The following FAM110B variants were observed in gnomAD, a reference collection of about 807,000 sequenced individuals.
FAM110B encodes the protein family with sequence similarity 110 member B, also known as protein FAM110B.
FAM110B carries 6 observed loss-of-function variants against 20.4 expected under a neutral mutation model. That is an observed-to-expected ratio of 0.29 (90% CI 0.16 to 0.58). The LOEUF is 0.58. Ranked by LOEUF, FAM110B falls within the 20% of genes least tolerant of loss-of-function variation. FAM110B has a pLI of 0.90. For missense variants in FAM110B, 434 were observed against 498.2 expected, an observed-to-expected ratio of 0.87 and a Z score of 1.23; for synonymous variants, 226 against 214.1, an observed-to-expected ratio of 1.06 and a Z score of -0.49.
intron 3 of FAM110B, among the ~76,000 whole-genome samples, chr8:58,138,188 G>C (rs1803664054): frequency 1.3e-5 from 2 of 152,194 alleles, no homozygotes; most frequent in South Asian, 4.1e-4. Flanking sequence ...TTTCAGAGCT[G>C]GTTCTCTCTG....
intron 1 of FAM110B, among the ~76,000 whole-genome samples, chr8:58,028,889 C>G (rs1008244963): frequency 2.0e-5 from 3 of 152,156 alleles, no homozygotes; most frequent in African/African-American, 7.2e-5. Context: ...TACTAACTAC[C>G]CATCTAAAGA....
At chr8:57,995,644 A>C (rs545393401) in intron 1 of FAM110B, among the ~76,000 whole-genome samples, 1 of 152,182 alleles carries the variant, frequency 6.6e-6, no homozygotes, top group African/African-American at 2.4e-5. Context: ...GCTCGTGGGG[A>C]AGGAAGGGAG....
chr8:58,116,008 A>G (rs1456198113), intron 3 of FAM110B, among the ~76,000 whole-genome samples: 2 of 152,152 alleles, frequency 1.3e-5, no homozygotes, highest in African/African-American at 2.4e-5. Context: ...AACTCTGTGT[A>G]CCAGGTCCTG....
At chr8:58,001,317 A>G (rs1000687783) in intron 1 of FAM110B, among the ~76,000 whole-genome samples, 1 of 152,134 alleles carries the variant, frequency 6.6e-6, no homozygotes, top group Admixed American at 6.6e-5. Flanking sequence ...TTGACTTCAA[A>G]TGAATTTTCC....
chr8:58,019,449 C>T (rs1804705207), intron 1 of FAM110B, among the ~76,000 whole-genome samples: 1 of 151,404 alleles, frequency 6.6e-6, no homozygotes, highest in South Asian at 2.1e-4. Context: ...TTGTGTGCTT[C>T]ATTTCTTCCT....
intron 2 of FAM110B, among the ~76,000 whole-genome samples, chr8:58,034,812 A>G (rs1184116644): frequency 6.6e-6 from 1 of 152,238 alleles, no homozygotes; most frequent in Admixed American, 6.5e-5. Context: ...CTGGGCGCAT[A>G]GTGCATACTC....
At position 58,148,531 on chromosome 8, in the gene FAM110B, T is replaced by A. The variant is rs1420969716; in HGVS notation, c.*1188T>A. Reference sequence around the variant, plus strand: ...TGTCCCCTTTTTTCCCAATAACCTGTCTTCCAGGTGGTACAGTTAGCTGTC... The same window carrying A: ...TGTCCCCTTTTTTCCCAATAACCTGACTTCCAGGTGGTACAGTTAGCTGTC... On this transcript the variant is annotated 3_prime_UTR_variant, in exon 4 of 4. Transcript: ENST00000519262. The A allele has an allele frequency of 1.8e-5, 3 of 167,096 alleles. No homozygotes were observed. Among genetic ancestry groups the A allele is most frequent in the African/African-American group, 7.2e-5 (3 of 41,446 alleles). The allele number at this position is 167,096 out of a possible 1,614,324, so 10.4% of individuals were successfully genotyped here.
chr8:58,144,400 G>A (rs539694094), intron 3 of FAM110B, among the ~76,000 whole-genome samples: 26 of 152,282 alleles, frequency 1.7e-4, no homozygotes, highest in African/African-American at 6.3e-4. Flanking sequence ...GGGAGGAGGT[G>A]TTTTTTGTTT....
Position 58,146,464 on chromosome 8 carries a change from C to G in FAM110B, c.234C>G (p.Ala78=). ...CCAAGCAGGAGCCCGTGAAGCCCGC[C>G]GTGCTGGCCAAGCCCCCGGTGTGCC... The part of the protein sequence containing the change: ...INAKQEPVKP[A]VLAKPPVCPA... Residue 78 remains alanine (A), a synonymous_variant, in exon 4 of 4, where the codon GCC becomes GCG. Coordinates refer to ENST00000519262, the MANE Select transcript of FAM110B (RefSeq NM_001377989.1). 6.2e-7 allele frequency: 1 copy of G among 1,613,508 alleles called. No individual in the cohort carries two copies. Among genetic ancestry groups the G allele is most frequent in the Non-Finnish European group, 8.5e-7 (1 of 1,179,674 alleles).
chr8:58,034,133 G>T lies in FAM110B; in HGVS notation c.-414+2430G>T, dbSNP rs569741668. Among the ~76,000 whole-genome samples the T allele has an allele frequency of 2.4e-4, 36 of 152,292 alleles. No homozygotes were observed. The South Asian group carries it at 3.3e-3, about 14-fold the overall frequency. ...ATGGCCGAGGGACACAGTGGGCTGC[G>T]GTAACTAAGGGACAGATGACCATTG... On this transcript the variant is annotated intron_variant, in intron 2 of 3. Transcript: ENST00000519262.
chr8:58,047,698 A>ATAG (rs1805357940), intron 2 of FAM110B, among the ~76,000 whole-genome samples: 1 of 149,858 alleles, frequency 6.7e-6, no homozygotes, highest in Middle Eastern at 3.2e-3. Context: ...TTAAATAGGA[A>ATAG]TAGTAATACA....
chr8:58,048,704 C>T (rs1805378701), intron 2 of FAM110B, among the ~76,000 whole-genome samples: 1 of 152,222 alleles, frequency 6.6e-6, no homozygotes, highest in Admixed American at 6.5e-5. Context: ...CCCATGTTGT[C>T]CTTCTCACTA....
intron 2 of FAM110B, among the ~76,000 whole-genome samples, chr8:58,050,211 C>CTT (rs113340023): frequency 2.0e-5 from 3 of 146,778 alleles, no homozygotes; most frequent in African/African-American, 7.4e-5. Context: ...TTATACTTTT[C>CTT]TTTTTTTTTT....
chr8:58,120,929 G>T (rs1263570669), intron 3 of FAM110B, among the ~76,000 whole-genome samples: 6 of 152,124 alleles, frequency 3.9e-5, no homozygotes, highest in Admixed American at 6.5e-5. Flanking sequence ...GTCCCCATAA[G>T]AAACATGGGA....
At chr8:58,035,769 CAT>C (rs776358676) in intron 2 of FAM110B, among the ~76,000 whole-genome samples, 11 of 152,322 alleles carry the variant, frequency 7.2e-5, no homozygotes, top group Non-Finnish European at 1.2e-4. Context: ...GTGGGAGTAA[CAT>C]GTGCATTTGA....
At chr8:58,131,288 G>C (rs530585503) in intron 3 of FAM110B, among the ~76,000 whole-genome samples, 3 of 148,742 alleles carry the variant, frequency 2.0e-5, no homozygotes, top group Admixed American at 6.7e-5. Flanking sequence ...TTTTTTCTCT[G>C]TTGCCCAGGT....
chr8:58,088,224 A>G lies in FAM110B; in HGVS notation c.-325+12601A>G, dbSNP rs1453061428. 3.3e-5 allele frequency among the ~76,000 whole-genome samples: 5 copies of G among 152,220 alleles called. No individual in the cohort carries two copies. In the East Asian group the frequency reaches 9.6e-4, roughly 29 times the overall value. Reference sequence around the variant, plus strand: ...ATTCTACAATTAATTTTAAAGGACAATCACAATTTTAGTTTCTCCATTGAA... The same window carrying G: ...ATTCTACAATTAATTTTAAAGGACAGTCACAATTTTAGTTTCTCCATTGAA... On this transcript the variant is annotated intron_variant, in intron 3 of 3. Coordinates refer to ENST00000519262, the MANE Select transcript of FAM110B (RefSeq NM_001377989.1).
At chr8:58,101,228 A>G (rs1190131161) in intron 3 of FAM110B, among the ~76,000 whole-genome samples, 1 of 152,188 alleles carries the variant, frequency 6.6e-6, no homozygotes, top group Non-Finnish European at 1.5e-5. Context: ...TGATTTTACA[A>G]TAAGCAGTGA....
Position 58,146,841 on chromosome 8 carries a change from G to C in FAM110B, c.611G>C (p.Arg204Pro), listed in dbSNP as rs903232922. 1.2e-6 allele frequency: 2 copies of C among 1,612,898 alleles called. No individual in the cohort carries two copies. Among genetic ancestry groups the C allele is most frequent in the East Asian group, 2.2e-5 (1 of 44,880 alleles). ...GTGTCCCACAGCTCTTCGGACATCC[G>C]CAAGGTGACCAGCGTGAAGCCCCTC... Reference protein sequence around the residue: ...LHVSHSSSDIRKVTSVKPLKA... With the variant: ...LHVSHSSSDIPKVTSVKPLKA... Residue 204 changes from arginine to proline, a missense_variant, in exon 4 of 4, where the codon CGC (arginine) becomes CCC (proline). Transcript: ENST00000519262.
Sources: gnomAD v4.1 joint callset for allele counts (sites outside exome capture counted in the v4.1 genomes callset) on GRCh38, gnomAD v4.1.1 for gene constraint, MANE v1.5 for transcripts, NCBI Gene and HGNC (gene_info 2026-07-23, HGNC 2026-07-21) for gene names.